UBR1: variants seen among roughly 807,000 people sequenced by gnomAD.
UBR1 encodes the protein E3 ubiquitin-protein ligase UBR1.
UBR1 carries 102 observed loss-of-function variants against 242.1 expected under a neutral mutation model. That is an observed-to-expected ratio of 0.42 (90% CI 0.36 to 0.50). The LOEUF (loss-of-function observed/expected upper bound fraction) is 0.50. Among genes scored for constraint, UBR1 ranks in the 20% least tolerant of loss-of-function variants. UBR1 has a pLI of 0.01. For missense variants in UBR1, 1,772 were observed against 2,101.8 expected, an observed-to-expected ratio of 0.84 and a Z score of 3.07; for synonymous variants, 675 against 684.8, an observed-to-expected ratio of 0.99 and a Z score of 0.22.
chr15:42,990,628 A>AT (rs1232886599), intron 33 of UBR1, among the ~76,000 whole-genome samples: 2 of 152,208 alleles, frequency 1.3e-5, no homozygotes, highest in African/African-American at 4.8e-5. Flanking sequence ...CATATATAGA[A>AT]TTTTTTTAAG....
Position 43,002,550 on chromosome 15 carries a change from T to A in UBR1, c.3659+5A>T, listed in dbSNP as rs1458616014. 1 of 1,613,476 alleles carries A rather than the reference T, an allele frequency of 6.2e-7. No homozygotes were observed. The highest frequency in any genetic ancestry group is 1.3e-5 in the African/African-American group (1 of 74,890). On this transcript the variant is annotated splice_donor_5th_base_variant and intron_variant, in intron 32 of 46. Coordinates refer to ENST00000290650, the MANE Select transcript of UBR1 (RefSeq NM_174916.3). The stretch of plus-strand genomic sequence containing the variant: ...AAATTAACCAAAACATAAATTAAAA[T>A]ATACCTGTTTATCTTTTGAGGTTGC...
intron 30 of UBR1, among the ~76,000 whole-genome samples, chr15:43,005,455 T>A (rs2032806302): frequency 6.9e-6 from 1 of 145,104 alleles, no homozygotes; most frequent in African/African-American, 2.6e-5. Context: ...AGCCACCCCA[T>A]CTGGGAGGGA....
Position 43,022,739 on chromosome 15 carries a change from T to C in UBR1, c.2802A>G (p.Glu934=). Residue 934 remains glutamate (E), a synonymous_variant, in exon 26 of 47, where the codon GAA becomes GAG. Transcript: ENST00000290650. ...GATAAAAGTCAAATGTTACTTCTTC[T>C]TCAGGAGCTTTTTGAAGCTGTTGCT... The part of the protein sequence containing the change: ...EEKQQLQKAP[E]EEVTFDFYHK... The C allele has an allele frequency of 1.2e-6, 2 of 1,612,458 alleles. No individual in the cohort carries two copies. Among genetic ancestry groups the C allele is most frequent in the Non-Finnish European group, 1.7e-6 (2 of 1,179,060 alleles).
chr15:42,960,798 T>C, intron 42 of UBR1, 97 bp from the exon 43 acceptor site: 1 of 1,299,120 alleles, frequency 7.7e-7, no homozygotes, highest in South Asian at 1.3e-5. Flanking sequence ...AGATGGATTC[T>C]CACTCTTTCG....
intron 33 of UBR1, among the ~76,000 whole-genome samples, chr15:42,993,442 C>A (rs961211910): frequency 6.6e-6 from 1 of 151,720 alleles, no homozygotes; most frequent in Non-Finnish European, 1.5e-5. Context: ...CGGCTCACTG[C>A]AACCTCCACC....
intron 20 of UBR1, among the ~76,000 whole-genome samples, chr15:43,030,735 G>T (rs896347688): frequency 6.6e-6 from 1 of 152,048 alleles, no homozygotes; most frequent in African/African-American, 2.4e-5. Flanking sequence ...GCCTTAAGAA[G>T]GCTTACAATA....
At position 42,952,157 on chromosome 15, in the gene UBR1, T is replaced by C. The variant is rs978442021; in HGVS notation, c.5006+121A>G. On this transcript the variant is annotated intron_variant, in intron 45 of 46. Transcript: ENST00000290650. The stretch of plus-strand genomic sequence containing the variant: ...AATGCAATTTCATGTCAATAACAGG[T>C]TAATACTCTAACTTCTGATTGATTA... 3.2e-6 allele frequency: 4 copies of C among 1,236,476 alleles called. No individual in the cohort carries two copies. In the African/African-American group the frequency reaches 5.9e-5, roughly 18 times the overall value. 76.6% of individuals were successfully genotyped at this position (1,236,476 alleles called of 1,614,324 possible).
At chr15:43,042,023 A>C (rs928568061) in intron 15 of UBR1, among the ~76,000 whole-genome samples, 11 of 152,192 alleles carry the variant, frequency 7.2e-5, no homozygotes, top group African/African-American at 2.4e-4. Context: ...GGGGGAAAAA[A>C]GGAGAAATAG....
In UBR1 at chr15:42,943,061, C is replaced by G. The variant is rs1185497326; in HGVS notation, c.*2268G>C. On this transcript the variant is annotated 3_prime_UTR_variant, in exon 47 of 47. Transcript: ENST00000290650. Reference sequence around the variant, plus strand: ...CAGTGGTATAAACATGTTGCAGTCACTAAATATAGATCATCATCACAGTGA... The same window carrying G: ...CAGTGGTATAAACATGTTGCAGTCAGTAAATATAGATCATCATCACAGTGA... The G allele has an allele frequency of 6.6e-6, 1 of 152,558 alleles. No individual in the cohort carries two copies. Among genetic ancestry groups the G allele is most frequent in the Non-Finnish European group, 1.5e-5 (1 of 68,020 alleles). 9.5% of individuals were successfully genotyped at this position (152,558 alleles called of 1,614,324 possible). A position where few individuals can be genotyped will look rare whatever the true frequency, so the allele number is the denominator to read the frequency against.
At chr15:43,041,173 G>A (rs2033412797) in intron 15 of UBR1, among the ~76,000 whole-genome samples, 1 of 152,176 alleles carries the variant, frequency 6.6e-6, no homozygotes, top group Non-Finnish European at 1.5e-5. Context: ...ATTCACAATA[G>A]CAAAGACTTG....
At chr15:42,986,652 C>A (rs997394274) in intron 35 of UBR1, among the ~76,000 whole-genome samples, 1 of 152,206 alleles carries the variant, frequency 6.6e-6, no homozygotes, top group African/African-American at 2.4e-5. Context: ...TGAATCATAG[C>A]AAATATAAAC....
At chr15:43,077,551 C>T (rs2033922269) in intron 3 of UBR1, among the ~76,000 whole-genome samples, 1 of 150,092 alleles carries the variant, frequency 6.7e-6, no homozygotes, top group Non-Finnish European at 1.5e-5. Context: ...AACCAGAGAC[C>T]TTTGTTCACT....
intron 42 of UBR1, among the ~76,000 whole-genome samples, chr15:42,961,124 T>G (rs1254551257): frequency 2.0e-5 from 3 of 151,448 alleles, no homozygotes; most frequent in Non-Finnish European, 2.9e-5. Context: ...TTTTTTTTTT[T>G]TTTTGTTTTG....
chr15:43,100,999 A>G (rs911772242), intron 1 of UBR1, among the ~76,000 whole-genome samples: 1 of 152,264 alleles, frequency 6.6e-6, no homozygotes, highest in African/African-American at 2.4e-5. Flanking sequence ...TTGCTTTGAC[A>G]GAGAATAAGA....
At chr15:42,955,596 C>T (rs866865139) in intron 44 of UBR1, among the ~76,000 whole-genome samples, 1 of 152,122 alleles carries the variant, frequency 6.6e-6, no homozygotes, top group Non-Finnish European at 1.5e-5. Flanking sequence ...GATATGATGC[C>T]TCCTGAGTAT....
chr15:42,946,312 G>C (rs1228286925), intron 46 of UBR1, among the ~76,000 whole-genome samples: 2 of 152,146 alleles, frequency 1.3e-5, no homozygotes, highest in Admixed American at 1.3e-4. Context: ...ATTTTTAGTA[G>C]AGACGGGGTT....
intron 31 of UBR1, chr15:43,003,380 G>A (rs191310840): frequency 1.8e-4 from 37 of 209,926 alleles, no homozygotes; most frequent in East Asian, 6.3e-4. Context: ...CTCAGCCTCC[G>A]GAGGAGCTGG....
chr15:43,067,726 A>T (rs571607939), intron 6 of UBR1, among the ~76,000 whole-genome samples, 172 bp downstream of exon 6: 1 of 152,330 alleles, frequency 6.6e-6, no homozygotes, highest in South Asian at 2.1e-4. Context: ...ATAGTTATTT[A>T]AAATTATGAT....
intron 1 of UBR1, among the ~76,000 whole-genome samples, chr15:43,097,829 A>G (rs969554457): frequency 1.1e-4 from 17 of 152,202 alleles, no homozygotes; most frequent in Admixed American, 3.3e-4. Context: ...TTCTATCCAG[A>G]GCACTAAAAC....
Sources: allele counts gnomAD v4.1 joint callset (sites outside exome capture counted in the v4.1 genomes callset), GRCh38; gene constraint gnomAD v4.1.1; transcripts MANE v1.5; gene names NCBI Gene and HGNC (gene_info 2026-07-23, HGNC 2026-07-21).